TSC22D2: variants seen among roughly 807,000 people sequenced by gnomAD.
TSC22D2 encodes the protein TSC22 domain family protein 2.
TSC22D2 carries 5 observed loss-of-function variants against 50.1 expected under a neutral mutation model. That is an observed-to-expected ratio of 0.10 (90% CI 0.05 to 0.21). TSC22D2 has a LOEUF of 0.21. TSC22D2 is among the 10% of genes least tolerant of loss of function. TSC22D2 has a pLI of 1.00. For missense variants in TSC22D2, 1,003 were observed against 1,015.5 expected, an observed-to-expected ratio of 0.99 and a Z score of 0.17; for synonymous variants, 501 against 450.1, an observed-to-expected ratio of 1.11 and a Z score of -1.43.
chr3:150,432,659 C>G (rs1394111179), intron 1 of TSC22D2, among the ~76,000 whole-genome samples: 1 of 151,376 alleles, frequency 6.6e-6, no homozygotes, highest in East Asian at 1.9e-4. Flanking sequence ...ATTGTTGAAC[C>G]AGGATAAACA....
At position 150,411,292 on chromosome 3, in the gene TSC22D2, G is replaced by A; in HGVS notation, c.1942G>A (p.Asp648Asn). 6.2e-7 allele frequency: 1 copy of A among 1,610,554 alleles called. No homozygotes were observed. Among genetic ancestry groups the A allele is most frequent in the Non-Finnish European group, 8.5e-7 (1 of 1,177,590 alleles). The change falls in exon 1 of 3, where the codon GAT (aspartate) becomes AAT (asparagine). Residue 648 changes from aspartate (D) to asparagine (N), a missense_variant. Transcript: ENST00000688009. Reference sequence around the variant, plus strand: ...TGTATTCAGCATAGCTATTCCTGTTGATGGTGATGAAGACAGGTATGGAAA... The same window carrying A: ...TGTATTCAGCATAGCTATTCCTGTTAATGGTGATGAAGACAGGTATGGAAA... ...TSVFSIAIPV[D>N]GDEDSASGGG...
At chr3:150,448,315 A>T (rs1049985188) in intron 1 of TSC22D2, among the ~76,000 whole-genome samples, 4 of 152,120 alleles carry the variant, frequency 2.6e-5, no homozygotes, top group South Asian at 2.1e-4. Context: ...GTTGCTAACA[A>T]CAAATTTTAA....
chr3:150,435,277 G>A (rs866262370), intron 1 of TSC22D2, among the ~76,000 whole-genome samples: 9 of 152,146 alleles, frequency 5.9e-5, no homozygotes, highest in Middle Eastern at 3.4e-3. Context: ...CACTGCATCC[G>A]GCCTTTTTAT....
At chr3:150,431,309 A>G (rs74818105) in intron 1 of TSC22D2, among the ~76,000 whole-genome samples, 4,242 of 151,428 alleles carry the variant, frequency 0.028, 208 homozygotes, top group African/African-American at 0.098. Context: ...TATGTTTCCT[A>G]AGAAGATTAT....
chr3:150,409,574 T>C lies in TSC22D2; in HGVS notation c.224T>C (p.Val75Ala), dbSNP rs1188087182. ...TCTTCCGAAGAGACGCTTAACAATG[T>C]TGGGGATGCGGAGACTCCCGGGACC... ...RSSSEETLNN[V>A]GDAETPGTVS... is the part of the protein sequence containing the mutation. Residue 75 changes from valine (V) to alanine (A), a missense_variant, in exon 1 of 3, where the codon GTT becomes GCT. Around this residue, in one of 6 missense-constraint regions of TSC22D2, gnomAD observed 200 missense variants for 182.8 expected, o/e 1.09. Coordinates refer to ENST00000688009, the MANE Select transcript of TSC22D2 (RefSeq NM_001303264.2). This position sits in a 1 kb window ranked among gnomAD's most constrained non-coding sequence, Gnocchi z 7.4. 2.5e-6 allele frequency: 4 copies of C among 1,600,144 alleles called. No individual in the cohort carries two copies. The Middle Eastern group carries it at 5.0e-4, about 199-fold the overall frequency.
chr3:150,427,268 C>T (rs1720223269), intron 1 of TSC22D2, among the ~76,000 whole-genome samples: 2 of 152,072 alleles, frequency 1.3e-5, no homozygotes, highest in African/African-American at 4.8e-5. Flanking sequence ...ATTGAACACA[C>T]CTGTGTGGGC....
At chr3:150,448,801 T>A (rs1720957297) in intron 1 of TSC22D2, among the ~76,000 whole-genome samples, 1 of 151,584 alleles carries the variant, frequency 6.6e-6, no homozygotes. Flanking sequence ...AATATTAAAA[T>A]GATCCCCCCA....
chr3:150,408,743 G>C lies in TSC22D2; in HGVS notation c.-608G>C, dbSNP rs1719355528. The C allele has an allele frequency of 6.5e-6, 1 of 153,390 alleles. No individual in the cohort carries two copies. The highest frequency in any genetic ancestry group is 6.5e-5 in the Admixed American group (1 of 15,314). 9.5% of individuals were successfully genotyped at this position (153,390 alleles called of 1,614,324 possible). A position where few individuals can be genotyped will look rare whatever the true frequency, so the allele number is the denominator to read the frequency against. ...TGCCCGCGCCACAGCCCCACCGCCCGCCCGCGGACCTTCAGCCAGCTCCGG... is the reference window on the plus strand; with the variant it reads ...TGCCCGCGCCACAGCCCCACCGCCCCCCCGCGGACCTTCAGCCAGCTCCGG... On this transcript the variant is annotated 5_prime_UTR_variant, in exon 1 of 3. Coordinates refer to ENST00000688009, the MANE Select transcript of TSC22D2 (RefSeq NM_001303264.2).
chr3:150,430,319 T>G lies in TSC22D2; in HGVS notation c.1958+19011T>G, dbSNP rs1184659030. On this transcript the variant is annotated intron_variant, in intron 1 of 2. Transcript: ENST00000688009. Reference sequence around the variant, plus strand: ...TAAGGATAAAGTTAAATTTGGTAGGTGTATAACATTTGAAGACAGGAGAGG... The same window carrying G: ...TAAGGATAAAGTTAAATTTGGTAGGGGTATAACATTTGAAGACAGGAGAGG... 2.6e-5 allele frequency among the ~76,000 whole-genome samples: 4 copies of G among 152,218 alleles called. No homozygotes were observed. In the East Asian group the frequency reaches 7.8e-4, roughly 30 times the overall value.
At chr3:150,455,829 A>G (rs550509468) in intron 1 of TSC22D2, among the ~76,000 whole-genome samples, 12 of 152,356 alleles carry the variant, frequency 7.9e-5, no homozygotes, top group African/African-American at 2.2e-4. Flanking sequence ...TATTGATACA[A>G]TAAGCTACAG....
In TSC22D2 at chr3:150,409,368, CAAG is replaced by C. The variant is rs1339308114; in HGVS notation, c.26_28del (p.Lys9del). ...TCTTCACCATGTCCAAGATGCCGGC[CAAG>C]AAGAAGAGCTGCTTCCAGATCACCA... On this transcript the variant is annotated inframe_deletion, in exon 1 of 3. Coordinates refer to ENST00000688009, the MANE Select transcript of TSC22D2 (RefSeq NM_001303264.2). This position sits in a 1 kb window ranked among gnomAD's most constrained non-coding sequence, Gnocchi z 7.4. 3.1e-6 allele frequency: 5 copies of C among 1,600,312 alleles called. No individual in the cohort carries two copies. The highest frequency in any genetic ancestry group is 1.3e-5 in the African/African-American group (1 of 74,542).
intron 1 of TSC22D2, among the ~76,000 whole-genome samples, chr3:150,413,705 T>G (rs1173502673): frequency 6.6e-6 from 1 of 152,024 alleles, no homozygotes; most frequent in Admixed American, 6.6e-5. Context: ...ACTACTATCT[T>G]AACTGAAAAT....
intron 1 of TSC22D2, among the ~76,000 whole-genome samples, chr3:150,431,224 C>CAAAAAAAAAAAAAAAAAA (rs71138443): frequency 3.6e-5 from 1 of 27,970 alleles, no homozygotes; most frequent in African/African-American, 1.6e-4. Context: ...GGCTCTGTCT[C>CAAAAAAAAAAAAAAAAAA]AAAAAAAAAA....
At chr3:150,440,971 C>T (rs1031454052) in intron 1 of TSC22D2, among the ~76,000 whole-genome samples, 8 of 151,114 alleles carry the variant, frequency 5.3e-5, no homozygotes, top group East Asian at 1.9e-4. Flanking sequence ...TTTAGCACCA[C>T]GATTAAAAAT....
intron 1 of TSC22D2, among the ~76,000 whole-genome samples, chr3:150,438,632 G>A (rs1202681078): frequency 1.3e-5 from 2 of 152,048 alleles, no homozygotes; most frequent in South Asian, 2.1e-4. Context: ...TGCATCTGCT[G>A]TAGATGCCTA....
chr3:150,458,723 A>G lies in TSC22D2; in HGVS notation c.*87A>G. The G allele has an allele frequency of 6.6e-7, 1 of 1,518,508 alleles. No individual in the cohort carries two copies. The highest frequency in any genetic ancestry group is 8.9e-7 in the Non-Finnish European group (1 of 1,121,258). 94.1% of individuals were successfully genotyped at this position (1,518,508 alleles called of 1,614,324 possible). On this transcript the variant is annotated 3_prime_UTR_variant, in exon 3 of 3. Transcript: ENST00000688009. ...GTTCTTTCCACTTTATACGAAAGCAAGTAGCCATGCTTTGGTTGTGTGTTT... is the reference window on the plus strand; with the variant it reads ...GTTCTTTCCACTTTATACGAAAGCAGGTAGCCATGCTTTGGTTGTGTGTTT...
At chr3:150,444,829 T>G (rs756033478) in intron 1 of TSC22D2, among the ~76,000 whole-genome samples, 93 of 152,200 alleles carry the variant, frequency 6.1e-4, no homozygotes, top group Non-Finnish European at 1.3e-3. Flanking sequence ...CTAATGACCC[T>G]TTAGATTTTA....
chr3:150,417,649 G>A (rs1420609470), intron 1 of TSC22D2, among the ~76,000 whole-genome samples: 1 of 152,032 alleles, frequency 6.6e-6, no homozygotes, highest in African/African-American at 2.4e-5. Flanking sequence ...GGAATTAAAT[G>A]ATGTGTGCAA....
At chr3:150,457,155 T>G (rs1721216331) in intron 2 of TSC22D2, 28 bp downstream of exon 2, 5 of 1,601,118 alleles carry the variant, frequency 3.1e-6, no homozygotes, top group Non-Finnish European at 4.3e-6. Context: ...GTTCTCCCAT[T>G]TCATAGATTG....
Sources: gnomAD v4.1 joint callset for allele counts (sites outside exome capture counted in the v4.1 genomes callset) on GRCh38, gnomAD v4.1.1 for gene constraint, gnomAD v4.1.1 regional missense constraint, Gnocchi (gnomAD v3.1) non-coding constraint, MANE v1.5 for transcripts, NCBI Gene and HGNC (gene_info 2026-07-23, HGNC 2026-07-21) for gene names.